COL5A1: variants seen among roughly 807,000 people sequenced by gnomAD.
COL5A1 encodes collagen alpha-1(V) chain.
A neutral mutation model predicts 263.7 loss-of-function variants in COL5A1; 16 were observed. The observed-to-expected ratio is 0.06, with a 90% CI of 0.04 to 0.09. COL5A1 has a LOEUF of 0.09. Ranked by LOEUF, COL5A1 falls within the 10% of genes least tolerant of loss-of-function variation. The pLI is 1.00. For synonymous variants in COL5A1, 1,012 were observed against 1,004.5 expected (o/e 1.01, Z -0.14); for missense variants, 2,036 against 2,540.5 (o/e 0.80, Z 4.27).
intron 11 of COL5A1, among the ~76,000 whole-genome samples, chr9:134,740,931 C>T (rs563929676): frequency 3.6e-3 from 551 of 152,262 alleles, no homozygotes; most frequent in Middle Eastern, 0.02. Context: ...CAGGGTCTGC[C>T]ATCCGTGGAG....
chr9:134,710,253 C>G (rs1412949065), intron 4 of COL5A1, among the ~76,000 whole-genome samples: 2 of 152,232 alleles, frequency 1.3e-5, no homozygotes, highest in African/African-American at 2.4e-5. Flanking sequence ...TGCTGGCAGG[C>G]TCTCCTGCCC....
intron 1 of COL5A1, among the ~76,000 whole-genome samples, chr9:134,670,897 G>T (rs890815228): frequency 6.6e-6 from 1 of 152,146 alleles, no homozygotes; most frequent in South Asian, 2.1e-4. Context: ...TCCCCACCTG[G>T]TGGCTGCACT....
At chr9:134,810,891 C>T (rs940281591) in intron 44 of COL5A1, among the ~76,000 whole-genome samples, 2 of 152,160 alleles carry the variant, frequency 1.3e-5, no homozygotes, top group East Asian at 1.9e-4. Context: ...GGTTGGGCTA[C>T]CAGGGCCAAG....
chr9:134,676,459 G>C (rs559247077), intron 1 of COL5A1, among the ~76,000 whole-genome samples: 11 of 152,308 alleles, frequency 7.2e-5, no homozygotes, highest in Admixed American at 5.2e-4. Flanking sequence ...CATGTGCTTT[G>C]TTTTCAGTTC....
In COL5A1 at chr9:134,805,015, C is replaced by T. The variant is rs377125301; in HGVS notation, c.3155C>T (p.Pro1052Leu). 6.2e-7 allele frequency: 1 copy of T among 1,613,956 alleles called. No homozygotes were observed. The highest frequency in any genetic ancestry group is 8.5e-7 in the Non-Finnish European group (1 of 1,180,002). ...GCAGGCCTCCCTGGGAAAGATGGCC[C>T]TCCAGGATTACGTGGTTTCCCTGGG... ...GPAGLPGKDG[P>L]PGLRGFPGDR... The change falls in exon 40 of 66, where the codon CCT (proline) becomes CTT (leucine). Residue 1052 changes from proline (P) to leucine (L), a missense_variant. Around this residue, in one of 3 missense-constraint regions of COL5A1, gnomAD observed 1,078 missense variants for 1,521.4 expected, o/e 0.71. Transcript: ENST00000371817.
chr9:134,687,254 G>A (rs1008371938), intron 1 of COL5A1, among the ~76,000 whole-genome samples: 12 of 152,184 alleles, frequency 7.9e-5, no homozygotes, highest in Non-Finnish European at 1.6e-4. Flanking sequence ...GAGTCTCTCT[G>A]ATTGGCAGAT....
chr9:134,750,234 G>C (rs1290177638), intron 11 of COL5A1, among the ~76,000 whole-genome samples: 1 of 152,174 alleles, frequency 6.6e-6, no homozygotes, highest in Non-Finnish European at 1.5e-5. Flanking sequence ...TCACCTTCGG[G>C]CTCCTTGTCT....
intron 65 of COL5A1, among the ~76,000 whole-genome samples, chr9:134,835,729 G>A (rs141177324): frequency 1.2e-4 from 18 of 152,304 alleles, no homozygotes; most frequent in African/African-American, 2.2e-4. Flanking sequence ...CCGGAGCGGC[G>A]GGAGGCTTGC....
intron 64 of COL5A1, among the ~76,000 whole-genome samples, chr9:134,834,510 G>T (rs12348432): frequency 6.6e-6 from 1 of 152,160 alleles, no homozygotes; most frequent in Non-Finnish European, 1.5e-5. Flanking sequence ...TTTATCAAGC[G>T]CACACTGGGC....
At chr9:134,707,111 C>T (rs1202565254) in intron 4 of COL5A1, among the ~76,000 whole-genome samples, 6 of 152,232 alleles carry the variant, frequency 3.9e-5, no homozygotes, top group Admixed American at 2.6e-4. Context: ...TGAGGCCTGC[C>T]GTGGAAGGCC....
Position 134,814,784 on chromosome 9 carries a change from C to A in COL5A1, c.3907-13C>A. On this transcript the variant is annotated splice_polypyrimidine_tract_variant and intron_variant, in intron 49 of 65. Coordinates refer to ENST00000371817, the MANE Select transcript of COL5A1 (RefSeq NM_000093.5). ...TTGGCTCTGAGGACTTGACACTGGCCTCTTTCCTCCAGGGACCCAAAGGAG... is the reference window on the plus strand; with the variant it reads ...TTGGCTCTGAGGACTTGACACTGGCATCTTTCCTCCAGGGACCCAAAGGAG... The A allele has an allele frequency of 6.5e-7, 1 of 1,547,698 alleles. No individual in the cohort carries two copies. The highest frequency in any genetic ancestry group is 8.7e-7 in the Non-Finnish European group (1 of 1,143,520).
intron 1 of COL5A1, among the ~76,000 whole-genome samples, chr9:134,663,931 G>A (rs910556177): frequency 1.3e-5 from 2 of 152,246 alleles, no homozygotes; most frequent in African/African-American, 4.8e-5. Context: ...ACCACCGGAG[G>A]GTGCTAGAGG....
Position 134,830,200 on chromosome 9 carries a change from C to T in COL5A1, c.5136+156C>T, listed in dbSNP as rs762066625. ...TGGTAAGTGGCCACCTCGGCCCGGC[C>T]ACCTCGGCACTGCCTGCTTGCGGCA... is the stretch of plus-strand genomic sequence containing the variant. On this transcript the variant is annotated intron_variant, in intron 64 of 65. Transcript: ENST00000371817. 2.5e-6 allele frequency: 4 copies of T among 1,595,954 alleles called. No homozygotes were observed. The African/African-American group carries it at 4.0e-5, about 16-fold the overall frequency.
At chr9:134,701,920 T>G (rs1271960961) in intron 4 of COL5A1, among the ~76,000 whole-genome samples, 2 of 152,172 alleles carry the variant, frequency 1.3e-5, no homozygotes, top group African/African-American at 4.8e-5. Flanking sequence ...ATGGAGCCCT[T>G]CATAGGTTGG....
chr9:134,732,311 CTTGGG>C, intron 9 of COL5A1, 184 bp downstream of exon 9: 3 of 695,264 alleles, frequency 4.3e-6, no homozygotes, highest in Non-Finnish European at 5.2e-6. Flanking sequence ...GAAGAATCCC[CTTGGG>C]TAGGGGATGT....
chr9:134,648,669 G>A (rs2132467752), intron 1 of COL5A1, among the ~76,000 whole-genome samples: 1 of 152,346 alleles, frequency 6.6e-6, no homozygotes, highest in Non-Finnish European at 1.5e-5. Context: ...CAGTGCAGCA[G>A]GAGGCTGTGA....
At chr9:134,810,190 G>C in intron 43 of COL5A1, 65 bp from the exon 44 acceptor site, 1 of 1,562,732 alleles carries the variant, frequency 6.4e-7, no homozygotes, top group South Asian at 1.1e-5. Flanking sequence ...AATTCATTAC[G>C]GGGAACAGAA....
chr9:134,769,018 C>T (rs575260306), intron 25 of COL5A1, among the ~76,000 whole-genome samples: 10 of 152,318 alleles, frequency 6.6e-5, no homozygotes, highest in African/African-American at 1.4e-4. Context: ...AGAATGCGTG[C>T]GTGCGTGCAC....
chr9:134,666,836 G>A (rs144069173), intron 1 of COL5A1, among the ~76,000 whole-genome samples: 102 of 152,306 alleles, frequency 6.7e-4, no homozygotes, highest in African/African-American at 2.2e-3. Flanking sequence ...TTCTTCACCT[G>A]TGCGATAGGG....
Sources: allele counts gnomAD v4.1 joint callset (sites outside exome capture counted in the v4.1 genomes callset), GRCh38; gene constraint gnomAD v4.1.1; regional missense constraint gnomAD v4.1.1; transcripts MANE v1.5; gene names NCBI Gene and HGNC (gene_info 2026-07-23, HGNC 2026-07-21).